The following SHOX2 variants were observed in gnomAD, a reference collection of about 807,000 sequenced individuals.
The protein encoded by SHOX2 is short stature homeobox protein 2.
In SHOX2, 13 loss-of-function variants were observed where a neutral mutation model predicts 31.3. That is an observed-to-expected ratio of 0.42 (90% confidence interval 0.27 to 0.66). The LOEUF is 0.66. Ranked by LOEUF, SHOX2 falls within the 30% of genes least tolerant of loss-of-function variation. SHOX2 has a pLI of 0.27. For synonymous variants in SHOX2, 244 were observed against 196.2 expected (o/e 1.24, Z -2.04); for missense variants, 473 against 443.0 (o/e 1.07, Z -0.61).
chr3:158,101,097 C>T (rs1325695171), intron 2 of SHOX2, among the ~76,000 whole-genome samples: 1 of 152,210 alleles, frequency 6.6e-6, no homozygotes, highest in Non-Finnish European at 1.5e-5. Context: ...TTAAACTTGA[C>T]AACTTTTACA....
Position 158,106,002 on chromosome 3 carries a change from A to G in SHOX2, c.23T>C (p.Val8Ala). 6.2e-7 allele frequency: 1 copy of G among 1,612,914 alleles called. No homozygotes were observed. Among genetic ancestry groups the G allele is most frequent in the Non-Finnish European group, 8.5e-7 (1 of 1,179,708 alleles). The stretch of plus-strand genomic sequence containing the variant: ...CACTTTCTGGTCAAAAGACTTGGAG[A>G]CGAACGCCGTAAGTTCTTCCATCGC... Reference protein sequence around the residue: MEELTAFVSKSFDQKVKE... With the variant: MEELTAFASKSFDQKVKE... The change falls in exon 1 of 5, where the codon GTC (valine) becomes GCC (alanine). Residue 8 changes from valine to alanine, a missense_variant. Val to Ala is a moderately conservative substitution (Grantham distance 64, BLOSUM62 0). Around this residue, in one of 3 missense-constraint regions of SHOX2, gnomAD observed 276 missense variants for 230.0 expected, o/e 1.20. Coordinates refer to ENST00000483851, the MANE Select transcript of SHOX2 (RefSeq NM_001163678.2).
chr3:158,105,651 C>G (rs1344178557), intron 1 of SHOX2, 28 bp downstream of exon 1: 17 of 1,511,492 alleles, frequency 1.1e-5, no homozygotes, highest in Non-Finnish European at 1.5e-5. Flanking sequence ...GAAGGGGAAC[C>G]GCTGCCGGGG....
Sources: allele counts gnomAD v4.1 joint callset (sites outside exome capture counted in the v4.1 genomes callset), GRCh38; gene constraint gnomAD v4.1.1; regional missense constraint gnomAD v4.1.1; transcripts MANE v1.5; gene names NCBI Gene and HGNC (gene_info 2026-07-23, HGNC 2026-07-21).